The following ESR1 variants were observed in gnomAD, a reference collection of about 807,000 sequenced individuals.
ESR1 encodes estrogen receptor 1.
A neutral mutation model predicts 52.7 loss-of-function variants in ESR1; 12 were observed. The observed-to-expected ratio is 0.23, with a 90% CI of 0.15 to 0.37. The LOEUF is 0.37. Among genes scored for constraint, ESR1 ranks in the 10% least tolerant of loss-of-function variants. The pLI is 1.00. For missense variants in ESR1, 584 were observed against 779.7 expected, an observed-to-expected ratio of 0.75 and a Z score of 2.99; for synonymous variants, 305 against 316.8, an observed-to-expected ratio of 0.96 and a Z score of 0.39.
intron 6 of ESR1, among the ~76,000 whole-genome samples, chr6:152,120,992 TCC>T (rs1271076830): frequency 1.3e-5 from 2 of 152,028 alleles, no homozygotes; most frequent in African/African-American, 2.4e-5. Context: ...TCTCTCTCTC[TCC>T]CCCAATTCTG....
intron 2 of ESR1, among the ~76,000 whole-genome samples, chr6:151,858,385 G>C (rs531374229): frequency 6.6e-6 from 1 of 152,122 alleles, no homozygotes; most frequent in Non-Finnish European, 1.5e-5. Context: ...GAGAGGAAGA[G>C]CTAGCCTTTT....
rs891219436 is a variant in ESR1 at position 151,696,404 on chromosome 6, G to A, written c.-201-5471G>A. Among the ~76,000 whole-genome samples the A allele has an allele frequency of 8.6e-5, 13 of 151,942 alleles. No homozygotes were observed. The East Asian group carries it at 1.4e-3, about 16-fold the overall frequency. On this transcript the variant is annotated intron_variant, in intron 1 of 2. Coordinates refer to the ESR1 transcript ENST00000404742. Reference sequence around the variant, plus strand: ...GGAGATTCGCTTGAACCTGGGAGGCGGAGGTTGCAGTGAGCTGAGATAACA... The same window carrying A: ...GGAGATTCGCTTGAACCTGGGAGGCAGAGGTTGCAGTGAGCTGAGATAACA...
At chr6:151,897,526 G>C (rs928115748) in intron 3 of ESR1, among the ~76,000 whole-genome samples, 1 of 152,124 alleles carries the variant, frequency 6.6e-6, no homozygotes, top group African/African-American at 2.4e-5. Context: ...GTGTCCATTT[G>C]CATGGAATGT....
intron 1 of ESR1, among the ~76,000 whole-genome samples, chr6:151,672,533 C>T (rs144814012): frequency 1.3e-4 from 19 of 151,978 alleles, no homozygotes; most frequent in East Asian, 7.8e-4. Flanking sequence ...GTCGGGGTTT[C>T]GCCATGTTGG....
intron 1 of ESR1, 22 bp from the exon 2 acceptor site, chr6:151,842,575 T>C (rs774652434): frequency 8.7e-6 from 14 of 1,608,420 alleles, no homozygotes; most frequent in African/African-American, 1.3e-5. Flanking sequence ...TGTTAATGGA[T>C]TTACTGTTTT....
intron 2 of ESR1, among the ~76,000 whole-genome samples, chr6:151,765,724 GA>G (rs1785000336): frequency 6.6e-6 from 1 of 152,100 alleles, no homozygotes. Flanking sequence ...GAATTATCTG[GA>G]AAATTCTTTG....
intron 2 of ESR1, among the ~76,000 whole-genome samples, chr6:151,761,597 T>C (rs576216385): frequency 6.6e-6 from 1 of 152,214 alleles, no homozygotes; most frequent in African/African-American, 2.4e-5. Flanking sequence ...ATAGAACATA[T>C]CCCTTTAACG....
At chr6:151,963,394 G>A (rs1009208296) in intron 4 of ESR1, among the ~76,000 whole-genome samples, 5 of 152,172 alleles carry the variant, frequency 3.3e-5, no homozygotes, top group African/African-American at 9.7e-5. Flanking sequence ...CTTAGTAGCT[G>A]CTTGTTTTCA....
chr6:151,953,614 G>A (rs935999688), intron 4 of ESR1, among the ~76,000 whole-genome samples: 2 of 152,062 alleles, frequency 1.3e-5, no homozygotes, highest in Non-Finnish European at 1.5e-5. Context: ...CCAGCTACTC[G>A]GGAGGCTGAG....
At chr6:151,775,687 A>G (rs963004781) in intron 2 of ESR1, among the ~76,000 whole-genome samples, 2 of 151,316 alleles carry the variant, frequency 1.3e-5, no homozygotes, top group Non-Finnish European at 2.9e-5. Context: ...CGGAGCTTGC[A>G]GTGAGCCGAG....
chr6:151,922,714 C>G (rs1486336861), intron 3 of ESR1, among the ~76,000 whole-genome samples: 1 of 152,156 alleles, frequency 6.6e-6, no homozygotes, highest in East Asian at 1.9e-4. Flanking sequence ...CAATAATTTC[C>G]TTCAATGAAA....
chr6:151,672,011 T>C (rs114465582), intron 1 of ESR1, among the ~76,000 whole-genome samples: 1 of 152,228 alleles, frequency 6.6e-6, no homozygotes, highest in African/African-American at 2.4e-5. Context: ...TTAATTTTTA[T>C]AAATAAAGAC....
chr6:151,879,312 C>G (rs534016297), intron 2 of ESR1, among the ~76,000 whole-genome samples: 1 of 152,088 alleles, frequency 6.6e-6, no homozygotes, highest in South Asian at 2.1e-4. Flanking sequence ...AATTTGGCAA[C>G]GCGATTCATT....
At chr6:151,696,055 T>A (rs1779310373) in intron 1 of ESR1, among the ~76,000 whole-genome samples, 1 of 152,220 alleles carries the variant, frequency 6.6e-6, no homozygotes, top group Non-Finnish European at 1.5e-5. Context: ...TATGCATAGT[T>A]TAATTTAACT....
chr6:151,971,134 C>T (rs2038869093), intron 4 of ESR1, among the ~76,000 whole-genome samples: 1 of 152,114 alleles, frequency 6.6e-6, no homozygotes, highest in Admixed American at 6.6e-5. Context: ...TTACCATGTA[C>T]TTGTCCTAGC....
chr6:151,872,833 G>A (rs894634659), intron 2 of ESR1, among the ~76,000 whole-genome samples: 10 of 152,168 alleles, frequency 6.6e-5, no homozygotes, highest in African/African-American at 2.2e-4. Context: ...CAGAGTGTAA[G>A]GCAGGACAAG....
intron 6 of ESR1, among the ~76,000 whole-genome samples, chr6:152,081,121 G>A (rs1432573116): frequency 6.6e-6 from 1 of 152,108 alleles, no homozygotes; most frequent in Non-Finnish European, 1.5e-5. Flanking sequence ...TAGACCAAGT[G>A]GACCCAATAG....
upstream of ESR1, among the ~76,000 whole-genome samples, chr6:151,806,301 T>C (rs73780864): frequency 0.059 from 9,021 of 152,008 alleles, 528 homozygotes; most frequent in South Asian, 0.15. Flanking sequence ...ATACTTGATA[T>C]AAAATAGTCA....
chr6:151,849,004 C>T (rs1785772132), intron 2 of ESR1, among the ~76,000 whole-genome samples: 1 of 152,102 alleles, frequency 6.6e-6, no homozygotes, highest in Admixed American at 6.6e-5. Flanking sequence ...TCCTCAGGAT[C>T]TCAGCACATG....
Sources: gnomAD v4.1 joint callset for allele counts (sites outside exome capture counted in the v4.1 genomes callset) on GRCh38, gnomAD v4.1.1 for gene constraint, MANE v1.5 for transcripts, NCBI Gene and HGNC (gene_info 2026-07-23, HGNC 2026-07-21) for gene names.